The following SLC35G2 variants were observed in gnomAD, a reference collection of about 807,000 sequenced individuals.
SLC35G2 encodes the protein transmembrane protein 22.
A neutral mutation model predicts 27.2 loss-of-function variants in SLC35G2; 20 were observed. The observed-to-expected ratio is 0.74, with a 90% CI of 0.52 to 1.07. The LOEUF (loss-of-function observed/expected upper bound fraction) is 1.07. Ranked by LOEUF, SLC35G2 falls within the 50% of genes least tolerant of loss-of-function variation. SLC35G2 has a pLI of 0.00. For synonymous variants in SLC35G2, 148 were observed against 165.3 expected (o/e 0.90, Z 0.80); for missense variants, 416 against 493.3 (o/e 0.84, Z 1.48).
chr3:136,830,749 C>T (rs1646993223), intron 1 of SLC35G2, among the ~76,000 whole-genome samples: 1 of 152,116 alleles, frequency 6.6e-6, no homozygotes, highest in Admixed American at 6.5e-5. Context: ...TCTTTTTGCT[C>T]TTCTGACAGT....
intron 1 of SLC35G2, among the ~76,000 whole-genome samples, chr3:136,836,534 T>C (rs1465865780): frequency 1.3e-5 from 2 of 152,160 alleles, no homozygotes; most frequent in Non-Finnish European, 2.9e-5. Context: ...TCAACACCAA[T>C]GGAGTTGATT....
Position 136,855,422 on chromosome 3 carries a change from T to C in SLC35G2, c.962T>C (p.Leu321Pro). The C allele has an allele frequency of 1.2e-6, 2 of 1,614,194 alleles. No homozygotes were observed. The highest frequency in any genetic ancestry group is 1.7e-6 in the Non-Finnish European group (2 of 1,180,020). Residue 321 changes from leucine (L) to proline (P), a missense_variant, in exon 2 of 2, where the codon CTC becomes CCC. Physicochemically the swap from Leu to Pro is moderately conservative, Grantham distance 98. Coordinates refer to ENST00000446465, the MANE Select transcript of SLC35G2 (RefSeq NM_025246.3). Reference sequence around the variant, plus strand: ...TTAGATGGAGAAACCTGGAGTTATCTCATTGCTATATGTGTCTGTTCTACT... The same window carrying C: ...TTAGATGGAGAAACCTGGAGTTATCCCATTGCTATATGTGTCTGTTCTACT... The part of the protein sequence containing the change: ...IPLDGETWSY[L>P]IAICVCSTAA...
intron 1 of SLC35G2, among the ~76,000 whole-genome samples, chr3:136,844,797 C>CAAAAAAAAAA (rs58243269): frequency 1.1e-3 from 41 of 35,734 alleles, no homozygotes; most frequent in South Asian, 2.5e-3. Flanking sequence ...CTCTCTGTCT[C>CAAAAAAAAAA]AAAAAAAAAA....
chr3:136,821,446 C>CA (rs1036038255), intron 1 of SLC35G2, among the ~76,000 whole-genome samples: 11 of 150,396 alleles, frequency 7.3e-5, no homozygotes, highest in South Asian at 2.1e-4. Flanking sequence ...ATCCTCTGAA[C>CA]AAAAAAAAAA....
chr3:136,841,379 CCTA>C (rs1937089719), intron 1 of SLC35G2, among the ~76,000 whole-genome samples: 1 of 152,044 alleles, frequency 6.6e-6, no homozygotes, highest in African/African-American at 2.4e-5. Flanking sequence ...GATTTCATAT[CCTA>C]CTAATTTTTG....
chr3:136,840,843 G>A (rs1190849045), intron 1 of SLC35G2, among the ~76,000 whole-genome samples: 2 of 150,972 alleles, frequency 1.3e-5, no homozygotes, highest in South Asian at 2.1e-4. Context: ...GGCTGGTCTC[G>A]AACTCCTGAC....
At chr3:136,830,077 T>G (rs67782618) in intron 1 of SLC35G2, among the ~76,000 whole-genome samples, 35 of 149,626 alleles carry the variant, frequency 2.3e-4, no homozygotes, top group African/African-American at 8.1e-4. Context: ...TGAGGCTGTT[T>G]CTAGATTTTT....
Position 136,855,623 on chromosome 3 carries a change from T to C in SLC35G2, c.1163T>C (p.Leu388Pro). Residue 388 changes from leucine to proline, a missense_variant, in exon 2 of 2, where the codon CTT becomes CCT. By Grantham distance (98) the Leu-to-Pro change is moderately conservative (BLOSUM62 -3). Transcript: ENST00000446465. ...GVIIMISVFV[L>P]AGYKLYWRNL... The stretch of plus-strand genomic sequence containing the variant: ...ATCATTATGATTAGTGTTTTTGTCC[T>C]TGCTGGCTATAAACTTTACTGGAGG... The C allele has an allele frequency of 6.2e-7, 1 of 1,613,884 alleles. No homozygotes were observed. The highest frequency in any genetic ancestry group is 1.1e-5 in the South Asian group (1 of 91,056).
chr3:136,833,992 T>C (rs956037679), intron 1 of SLC35G2, among the ~76,000 whole-genome samples: 2 of 151,698 alleles, frequency 1.3e-5, no homozygotes, highest in African/African-American at 4.8e-5. Flanking sequence ...AACAATAGCA[T>C]TGTACATGAT....
chr3:136,825,946 T>G (rs530095630), intron 1 of SLC35G2, among the ~76,000 whole-genome samples: 5 of 152,302 alleles, frequency 3.3e-5, no homozygotes, highest in African/African-American at 9.6e-5. Context: ...TCTCCTCTAT[T>G]TTTGGGAACA....
intron 1 of SLC35G2, among the ~76,000 whole-genome samples, chr3:136,826,392 A>G (rs551414230): frequency 8.5e-5 from 13 of 152,280 alleles, no homozygotes; most frequent in Admixed American, 5.2e-4. Context: ...GTTGCAGGAT[A>G]CAAAATCAAC....
At chr3:136,825,898 A>C (rs1320349734) in intron 1 of SLC35G2, among the ~76,000 whole-genome samples, 1 of 152,196 alleles carries the variant, frequency 6.6e-6, no homozygotes, top group Admixed American at 6.5e-5. Flanking sequence ...TTGGTATCAG[A>C]GTAATACTGG....
chr3:136,849,419 T>C (rs955010633), intron 1 of SLC35G2, among the ~76,000 whole-genome samples: 23 of 152,014 alleles, frequency 1.5e-4, no homozygotes, highest in African/African-American at 4.8e-4. Context: ...AACGAAATCA[T>C]GTACCCAAAG....
Position 136,854,442 on chromosome 3 carries a change from G to A in SLC35G2, c.-18-1G>A. ...TTTTGTCAATTTTTTTCTTTAAATA[G>A]AATTGATTATCTGAAGAAATGGATA... On this transcript the variant is annotated splice_acceptor_variant, in intron 1 of 1. Coordinates refer to ENST00000446465, the MANE Select transcript of SLC35G2 (RefSeq NM_025246.3). LOFTEE classifies it low-confidence loss of function (5UTR_SPLICE). The A allele has an allele frequency of 6.5e-7, 1 of 1,537,732 alleles. No individual in the cohort carries two copies. The highest frequency in any genetic ancestry group is 8.8e-7 in the Non-Finnish European group (1 of 1,139,208).
At chr3:136,834,022 G>A (rs1936801229) in intron 1 of SLC35G2, among the ~76,000 whole-genome samples, 1 of 151,302 alleles carries the variant, frequency 6.6e-6, no homozygotes, top group African/African-American at 2.4e-5. Flanking sequence ...TTAAATATAT[G>A]TTAATATATG....
intron 1 of SLC35G2, among the ~76,000 whole-genome samples, chr3:136,843,888 T>C (rs1032957775): frequency 2.0e-5 from 3 of 152,122 alleles, no homozygotes; most frequent in Non-Finnish European, 4.4e-5. Flanking sequence ...GAGCTGAGAT[T>C]GCCCCACTGC....
At chr3:136,824,322 G>A (rs1169426790) in intron 1 of SLC35G2, among the ~76,000 whole-genome samples, 1 of 152,106 alleles carries the variant, frequency 6.6e-6, no homozygotes, top group South Asian at 2.1e-4. Context: ...AGTATAGACA[G>A]TTTAACAATA....
At chr3:136,849,618 A>G (rs1203066538) in intron 1 of SLC35G2, among the ~76,000 whole-genome samples, 1 of 151,790 alleles carries the variant, frequency 6.6e-6, no homozygotes, top group Admixed American at 6.6e-5. Context: ...TAGCCTCCCA[A>G]GTAGCTGGGA....
chr3:136,831,195 G>A (rs1936721839), intron 1 of SLC35G2, among the ~76,000 whole-genome samples: 1 of 152,184 alleles, frequency 6.6e-6, no homozygotes, highest in South Asian at 2.1e-4. Context: ...GTGGACAACA[G>A]CTAGATACTC....
Sources: allele counts gnomAD v4.1 joint callset (sites outside exome capture counted in the v4.1 genomes callset), GRCh38; gene constraint gnomAD v4.1.1; transcripts MANE v1.5; gene names NCBI Gene and HGNC (gene_info 2026-07-23, HGNC 2026-07-21).